Variants in VEZF1 observed in about 807,000 individuals in gnomAD.
The protein encoded by VEZF1 is vascular endothelial zinc finger 1, also known as putative transcription factor DB1.
VEZF1 carries 5 observed loss-of-function variants against 44.1 expected under a neutral mutation model. That is an observed-to-expected ratio of 0.11 (90% CI 0.06 to 0.24). The LOEUF is 0.24. VEZF1 is among the 10% of genes least tolerant of loss of function. The pLI, the probability that VEZF1 is intolerant of heterozygous loss-of-function variation, is 1.00. For missense variants in VEZF1, 358 were observed against 641.8 expected, an observed-to-expected ratio of 0.56 and a Z score of 4.78; for synonymous variants, 236 against 233.1, an observed-to-expected ratio of 1.01 and a Z score of -0.11.
chr17:57,979,970 CAAAAAAAAAAAA>C (rs11359148), intron 4 of VEZF1, among the ~76,000 whole-genome samples: 2 of 68,434 alleles, frequency 2.9e-5, no homozygotes, highest in South Asian at 5.7e-4. Flanking sequence ...GACTCCGTCT[CAAAAAAAAAAAA>C]AAAAAAAAAC....
In VEZF1 at chr17:57,974,650, T is replaced by G; in HGVS notation, c.1389A>C (p.Pro463=). The G allele has an allele frequency of 6.2e-7, 1 of 1,614,032 alleles. No homozygotes were observed. The highest frequency in any genetic ancestry group is 8.5e-7 in the Non-Finnish European group (1 of 1,179,986). ...SMTSPLTLTT[P]VNLPTPVTAP... is the part of the protein sequence containing the mutation. ...CAGTGACGGGGGTGGGGAGGTTGAC[T>G]GGGGTAGTGAGTGTTAAAGGAGAGG... Residue 463 remains proline (P), a synonymous_variant, in exon 6 of 6, where the codon CCA becomes CCC. Coordinates refer to ENST00000581208, the MANE Select transcript of VEZF1 (RefSeq NM_007146.3).
At chr17:57,981,832 C>G in intron 3 of VEZF1, 41 bp downstream of exon 3, 1 of 1,574,594 alleles carries the variant, frequency 6.4e-7, no homozygotes, top group African/African-American at 1.3e-5. Flanking sequence ...GGATAATGTG[C>G]ATTAAGTGCT....
At chr17:57,986,243 T>C (rs1166764929) in intron 1 of VEZF1, 2 of 152,220 alleles carry the variant, frequency 1.3e-5, no homozygotes, top group East Asian at 3.8e-4. Flanking sequence ...TAAAAAAGTA[T>C]TTCAAAAGAT....
At chr17:57,978,203 T>C (rs1329079609) in intron 5 of VEZF1, among the ~76,000 whole-genome samples, 1 of 135,656 alleles carries the variant, frequency 7.4e-6, no homozygotes, top group Admixed American at 7.4e-5. Context: ...AGACTCTGTC[T>C]AAAAAAGAAA....
chr17:57,976,346 T>C (rs1209448649), intron 5 of VEZF1, among the ~76,000 whole-genome samples: 2 of 152,078 alleles, frequency 1.3e-5, no homozygotes, highest in Admixed American at 6.5e-5. Flanking sequence ...ATTCTCCCTA[T>C]CAGGGATTCC....
intron 4 of VEZF1, among the ~76,000 whole-genome samples, chr17:57,980,212 CCTT>C (rs2075236054): frequency 6.6e-6 from 1 of 152,064 alleles, no homozygotes; most frequent in African/African-American, 2.4e-5. Context: ...TAGGAAAATG[CCTT>C]CTTCTAGTGG....
At chr17:57,982,667 G>T in intron 2 of VEZF1, 32 bp downstream of exon 2, 1 of 1,559,986 alleles carries the variant, frequency 6.4e-7, no homozygotes, top group South Asian at 1.2e-5. Flanking sequence ...ATACCATAAT[G>T]AAGCAAAGCA....
intron 1 of VEZF1, among the ~76,000 whole-genome samples, chr17:57,984,958 T>C (rs931409221): frequency 6.6e-6 from 1 of 152,230 alleles, no homozygotes; most frequent in Non-Finnish European, 1.5e-5. Flanking sequence ...TTTAATCTAA[T>C]TTGTGAAGCT....
At chr17:57,987,389 G>GA (rs968737605) in intron 1 of VEZF1, among the ~76,000 whole-genome samples, 47 of 150,822 alleles carry the variant, frequency 3.1e-4, no homozygotes, top group Admixed American at 9.2e-4. Flanking sequence ...TGAGACTTGG[G>GA]AAAAAAAAAT....
chr17:57,976,693 G>C (rs1447580141), intron 5 of VEZF1, among the ~76,000 whole-genome samples: 1 of 152,054 alleles, frequency 6.6e-6, no homozygotes, highest in Non-Finnish European at 1.5e-5. Flanking sequence ...CTTTTTGAGA[G>C]AGATTCACGC....
At position 57,979,277 on chromosome 17, in the gene VEZF1, T is replaced by A. The variant is rs2075223667; in HGVS notation, c.1013A>T (p.Gln338Leu). 3 of 1,612,706 alleles carry A rather than the reference T, an allele frequency of 1.9e-6. No individual in the cohort carries two copies. In the African/African-American group the frequency reaches 4.0e-5, roughly 21 times the overall value. ...CTGCTGCTGCTGCTGCTGCTGCTGC[T>A]GCTGCTTTTGGTTACTGGTCTCTTC... The part of the protein sequence containing the change: ...MSEETSNQKQ[Q>L]QQQQQQQQQQ... The change falls in exon 5 of 6, where the codon CAG becomes CTG. Residue 338 changes from glutamine to leucine, a missense_variant. Physicochemically the swap from Gln to Leu is moderately radical, Grantham distance 113. Transcript: ENST00000581208.
At chr17:57,983,437 T>C in intron 1 of VEZF1, 44 bp from the exon 2 acceptor site, 1 of 1,516,020 alleles carries the variant, frequency 6.6e-7, no homozygotes, top group South Asian at 1.3e-5. Context: ...CCTCTCACAA[T>C]GGCCTTCGAA....
chr17:57,980,595 C>G lies in VEZF1; in HGVS notation c.976+8G>C. ...TATAAAAGAAAGAAAATCTGAAGCA[C>G]CACCTACTTTTACTGATGCCTTGTT... is the stretch of plus-strand genomic sequence containing the variant. On this transcript the variant is annotated splice_region_variant and intron_variant, in intron 4 of 5. Transcript: ENST00000581208. 2 of 1,611,330 alleles carry G rather than the reference C, an allele frequency of 1.2e-6. No individual in the cohort carries two copies. The highest frequency in any genetic ancestry group is 2.2e-5 in the South Asian group (2 of 90,812).
chr17:57,983,945 T>C (rs768477581), intron 1 of VEZF1, among the ~76,000 whole-genome samples: 4 of 152,230 alleles, frequency 2.6e-5, no homozygotes, highest in Non-Finnish European at 5.9e-5. Context: ...CATTTGCTAG[T>C]CGTTAACGTT....
At chr17:57,978,015 C>A (rs2075209169) in intron 5 of VEZF1, among the ~76,000 whole-genome samples, 1 of 151,794 alleles carries the variant, frequency 6.6e-6, no homozygotes, top group Non-Finnish European at 1.5e-5. Flanking sequence ...CTAGCCTGGC[C>A]AACATGGCAA....
chr17:57,988,035 G>A, intron 1 of VEZF1, 44 bp downstream of exon 1: 1 of 228,180 alleles, frequency 4.4e-6, no homozygotes, highest in Non-Finnish European at 8.7e-6. Context: ...CCGGGGCCCG[G>A]CCCCCCTGTC....
rs1051297972 is a variant in VEZF1, at chr17:57,976,816, C to T, written c.1139-1916G>A. On this transcript the variant is annotated intron_variant, in intron 5 of 5. Coordinates refer to ENST00000581208, the MANE Select transcript of VEZF1 (RefSeq NM_007146.3). ...TACAATACCAAATAGAGGAGTACAC[C>T]GAGAGAGATTGAGAGAGAAAACCAA... Among the ~76,000 whole-genome samples the T allele has an allele frequency of 4.6e-5, 7 of 151,934 alleles. 1 individual carries two copies. The East Asian group carries it at 9.6e-4, about 21-fold the overall frequency.
At chr17:57,981,554 C>T (rs760529609) in intron 3 of VEZF1, among the ~76,000 whole-genome samples, 4 of 151,996 alleles carry the variant, frequency 2.6e-5, no homozygotes, top group Non-Finnish European at 4.4e-5. Context: ...GAAATTAAAG[C>T]CCTTTATTCT....
At chr17:57,977,382 C>T (rs1384710193) in intron 5 of VEZF1, among the ~76,000 whole-genome samples, 3 of 152,100 alleles carry the variant, frequency 2.0e-5, no homozygotes, top group Non-Finnish European at 4.4e-5. Flanking sequence ...CCACCTTGGC[C>T]TCCTGAAGTG....
Sources: allele counts gnomAD v4.1 joint callset (sites outside exome capture counted in the v4.1 genomes callset), GRCh38; gene constraint gnomAD v4.1.1; transcripts MANE v1.5; gene names NCBI Gene and HGNC (gene_info 2026-07-23, HGNC 2026-07-21).